The following NDUFB11 variants were observed in gnomAD, a reference collection of about 807,000 sequenced individuals.
The protein encoded by NDUFB11 is NADH dehydrogenase [ubiquinone] 1 beta subcomplex subunit 11, mitochondrial.
For synonymous variants in NDUFB11, 51 were observed against 57.4 expected, an observed-to-expected ratio of 0.89 and a Z score of 0.51; for missense variants, 108 against 133.8, an observed-to-expected ratio of 0.81 and a Z score of 0.95.
upstream of NDUFB11, chrX:47,145,200 C>T (rs1931999392): frequency 9.3e-6 from 4 of 431,699 alleles, no homozygotes; most frequent in African/African-American, 2.5e-5. Flanking sequence ...ATCGCCGGGG[C>T]CGGCCAGAGC....
At chrX:47,143,955 G>A (rs1931869345) in intron 1 of NDUFB11, among the ~76,000 whole-genome samples, 1 of 111,219 alleles carries the variant, frequency 9.0e-6, no homozygotes, top group Non-Finnish European at 1.9e-5. Flanking sequence ...TCGAAATGGG[G>A]TTTGTTTCGA....
At chrX:47,144,445 T>TTCCCCCCCC in intron 1 of NDUFB11, 28 bp downstream of exon 1, 1 of 61,005 alleles carries the variant, frequency 1.6e-5, no homozygotes, top group African/African-American at 4.9e-4. Context: ...CCGTCCCCAC[T>TTCCCCCCCC]ACCCCCCCCC....
Position 47,142,669 on chromosome X carries a change from C to T in NDUFB11, c.283G>A (p.Val95Ile), listed in dbSNP as rs782682185. 183 of 1,210,249 alleles carry T rather than the reference C, an allele frequency of 1.5e-4. No individual in the cohort carries two copies. The highest frequency in any genetic ancestry group is 4.6e-4 in the Middle Eastern group (2 of 4,376). Residue 95 changes from valine (V) to isoleucine (I), a missense_variant, in exon 2 of 3, where the codon GTC (valine) becomes ATC (isoleucine). Coordinates refer to ENST00000377811, the MANE Select transcript of NDUFB11 (RefSeq NM_001135998.3). ...WNMRLVFFFG[V>I]SIILVLGSTF... Reference sequence around the variant, plus strand: ...CTGCCAAGGACCAGGATGATGGAGACGCCAAAGAAGAAGACAAGTCGCATG... The same window carrying T: ...CTGCCAAGGACCAGGATGATGGAGATGCCAAAGAAGAAGACAAGTCGCATG...
chrX:47,144,714 A>G, upstream of NDUFB11: 1 of 1,090,768 alleles, frequency 9.2e-7, no homozygotes, highest in Non-Finnish European at 1.2e-6. Context: ...GGGGCGGGGA[A>G]AGAAATGCGA....
upstream of NDUFB11, chrX:47,144,844 C>T (rs1409629935): frequency 5.1e-5 from 24 of 474,477 alleles, no homozygotes; most frequent in African/African-American, 3.2e-4. Flanking sequence ...ACCCTCTTTG[C>T]CTCCAGTTGT....
At chrX:47,144,446 A>ACCCTCC in intron 1 of NDUFB11, 27 bp downstream of exon 1, 1 of 53,658 alleles carries the variant, frequency 1.9e-5, no homozygotes, top group South Asian at 2.4e-4. Flanking sequence ...CGTCCCCACT[A>ACCCTCC]CCCCCCCCCC....
Position 47,144,607 on chromosome X carries a change from C to T in NDUFB11, c.73G>A (p.Ala25Thr). Residue 25 changes from alanine to threonine, a missense_variant, in exon 1 of 3, where the codon GCC (alanine) becomes ACC (threonine). Transcript: ENST00000377811. ...AAGCTAGATTCCCAGCGGACGCGGG[C>T]GGCCGGGAGCCCTCGCGTCGCCGCT... Reference protein sequence around the residue: ...AAAATRGLPAARVRWESSFSR... With the variant: ...AAAATRGLPATRVRWESSFSR... The T allele has an allele frequency of 8.3e-7, 1 of 1,199,036 alleles. No homozygotes were observed. The highest frequency in any genetic ancestry group is 1.1e-6 in the Non-Finnish European group (1 of 889,968).
At chrX:47,144,765 C>A, upstream of NDUFB11, 1 of 887,476 alleles carries the variant, frequency 1.1e-6, no homozygotes, top group Non-Finnish European at 1.5e-6. Context: ...ACAATCATCG[C>A]CCCGCCTCCG....
intron 1 of NDUFB11, 27 bp downstream of exon 1, chrX:47,144,446 A>AGCC: frequency 1.9e-5 from 1 of 53,657 alleles, no homozygotes; most frequent in Non-Finnish European, 3.3e-5. Context: ...CGTCCCCACT[A>AGCC]CCCCCCCCCC....
intron 1 of NDUFB11, 142 bp from the exon 2 acceptor site, chrX:47,142,886 G>A: frequency 1.5e-6 from 1 of 652,583 alleles, no homozygotes; most frequent in Non-Finnish European, 2.3e-6. Context: ...CCTTCCCACT[G>A]CAGGGCCACT....
chrX:47,144,128 T>TA (rs781935812), intron 1 of NDUFB11, among the ~76,000 whole-genome samples: 4,153 of 86,318 alleles, frequency 0.048, 179 homozygotes, highest in African/African-American at 0.15. Context: ...CTCGTCCCTA[T>TA]AAAAAAAAAA....
At position 47,142,640 on chromosome X, in the gene NDUFB11, G is replaced by A; in HGVS notation, c.312C>T (p.Thr104=). 2.5e-6 allele frequency: 3 copies of A among 1,212,019 alleles called. No individual in the cohort carries two copies. In the Admixed American group the frequency reaches 6.5e-5, roughly 26 times the overall value. Reference sequence around the variant, plus strand: ...TGTAGTCAGGCAGATAGGCCACAAAGGTGCTGCCAAGGACCAGGATGATGG... The same window carrying A: ...TGTAGTCAGGCAGATAGGCCACAAAAGTGCTGCCAAGGACCAGGATGATGG... ...GVSIILVLGS[T]FVAYLPDYRM... The change falls in exon 2 of 3, where the codon ACC becomes ACT. Residue 104 remains threonine, a synonymous_variant. Transcript: ENST00000377811.
At position 47,144,657 on chromosome X, in the gene NDUFB11, A is replaced by C; in HGVS notation, c.23T>G (p.Leu8Trp). 1 of 1,172,129 alleles carries C rather than the reference A, an allele frequency of 8.5e-7. No homozygotes were observed. The highest frequency in any genetic ancestry group is 1.1e-6 in the Non-Finnish European group (1 of 876,522). MAAGLFG[L>W]SARRLLAAAA... ...TGCCGCCAAAAGACGGCGAGCGCTC[A>C]AACCAAACAGCCCAGCCGCCATGAC... is the stretch of plus-strand genomic sequence containing the variant. The change falls in exon 1 of 3, where the codon TTG (leucine) becomes TGG (tryptophan). Residue 8 changes from leucine to tryptophan, a missense_variant. Physicochemically the swap from Leu to Trp is moderately conservative, Grantham distance 61 (BLOSUM62 -2). Coordinates refer to ENST00000377811, the MANE Select transcript of NDUFB11 (RefSeq NM_001135998.3).
intron 1 of NDUFB11, 145 bp from the exon 2 acceptor site, chrX:47,142,889 G>GT: frequency 3.1e-6 from 2 of 638,334 alleles, no homozygotes; most frequent in Non-Finnish European, 4.7e-6. Flanking sequence ...TCCCACTGCA[G>GT]GGCCACTGCA....
At chrX:47,143,946 C>T (rs782754138) in intron 1 of NDUFB11, among the ~76,000 whole-genome samples, 1 of 111,254 alleles carries the variant, frequency 9.0e-6, no homozygotes, top group Admixed American at 9.6e-5. Flanking sequence ...GAGCCCACCT[C>T]GAAATGGGGT....
chrX:47,143,259 T>C (rs1931832729), intron 1 of NDUFB11, among the ~76,000 whole-genome samples: 1 of 112,459 alleles, frequency 8.9e-6, no homozygotes, highest in Non-Finnish European at 1.9e-5. Flanking sequence ...TCTCATGTTA[T>C]ATTATCTATT....
At chrX:47,145,173 C>A, upstream of NDUFB11, 1 of 424,300 alleles carries the variant, frequency 2.4e-6, no homozygotes, top group South Asian at 3.4e-5. Context: ...GGGCTGTCCC[C>A]TAGCGGGCGG....
chrX:47,144,527 C>G lies in NDUFB11; in HGVS notation c.153G>C (p.Pro51=). 9.6e-7 allele frequency: 1 copy of G among 1,036,348 alleles called. No homozygotes were observed. Among genetic ancestry groups the G allele is most frequent in the Non-Finnish European group, 1.3e-6 (1 of 788,134 alleles). The allele number at this position is 1,036,348 out of a possible 1,213,427, so 85.4% of individuals were successfully genotyped here. A position where few individuals can be genotyped will look rare whatever the true frequency, so the allele number is the denominator to read the frequency against. The change falls in exon 1 of 3, where the codon CCG becomes CCC. Residue 51 remains proline, a synonymous_variant. Transcript: ENST00000377811. Reference sequence around the variant, plus strand: ...CTGGGTCCTCTTGCCACGGTGTGGTCGGTTCTGGGGGCCGCTTTCCCGCCA... The same window carrying G: ...CTGGGTCCTCTTGCCACGGTGTGGTGGGTTCTGGGGGCCGCTTTCCCGCCA... The part of the protein sequence containing the change: ...SAVAGKRPPE[P]TTPWQEDPEP...
intron 2 of NDUFB11, 82 bp downstream of exon 2, chrX:47,142,532 A>G: frequency 8.3e-7 from 1 of 1,204,302 alleles, no homozygotes; most frequent in South Asian, 1.8e-5. Flanking sequence ...GTGCAGGAAC[A>G]AAACTCCTGG....
Sources: gnomAD v4.1 joint callset for allele counts (sites outside exome capture counted in the v4.1 genomes callset) on GRCh38, gnomAD v4.1.1 for gene constraint, MANE v1.5 for transcripts, NCBI Gene and HGNC (gene_info 2026-07-23, HGNC 2026-07-21) for gene names.